PRKCE: variants seen among roughly 807,000 people sequenced by gnomAD.
The protein encoded by PRKCE is protein kinase C epsilon.
In PRKCE, 16 loss-of-function variants were observed where a neutral mutation model predicts 85.4. That is an observed-to-expected ratio of 0.19 (90% CI 0.13 to 0.28). PRKCE has a LOEUF of 0.28. Ranked by LOEUF, PRKCE falls within the 10% of genes least tolerant of loss-of-function variation. The probability of loss-of-function intolerance (pLI) is 1.00; values close to 1 mark genes in which losing one functional copy is unlikely to be tolerated. For synonymous variants in PRKCE, 388 were observed against 371.5 expected (o/e 1.04, Z -0.51); for missense variants, 573 against 975.2 (o/e 0.59, Z 5.49).
At chr2:46,066,738 C>T (rs183583305) in intron 10 of PRKCE, among the ~76,000 whole-genome samples, 75 of 152,162 alleles carry the variant, frequency 4.9e-4, no homozygotes, top group Non-Finnish European at 7.2e-4. Flanking sequence ...GAACTATGTC[C>T]TGGGCTTCAC....
chr2:45,663,904 C>T (rs1312440043), intron 1 of PRKCE, among the ~76,000 whole-genome samples: 1 of 151,910 alleles, frequency 6.6e-6, no homozygotes, highest in Admixed American at 6.5e-5. Context: ...ATTAAAAAAA[C>T]AAAAACCAAA....
chr2:45,814,357 T>C (rs7562746), intron 1 of PRKCE, among the ~76,000 whole-genome samples: 107,430 of 152,044 alleles, frequency 0.71, 38,125 homozygotes, highest in Middle Eastern at 0.74. Context: ...CAGCCAAGGG[T>C]CGTCGGGGGC....
At chr2:45,891,752 C>G (rs1013016621) in intron 2 of PRKCE, among the ~76,000 whole-genome samples, 1 of 152,234 alleles carries the variant, frequency 6.6e-6, no homozygotes, top group African/African-American at 2.4e-5. Flanking sequence ...GCTGCTTCCT[C>G]TCCCTTCTTC....
rs1389191614 is a variant in PRKCE, at chr2:45,905,289, A to G, written c.412+62226A>G. Among the ~76,000 whole-genome samples the G allele has an allele frequency of 7.2e-5, 11 of 152,212 alleles. No individual in the cohort carries two copies. In the East Asian group the frequency reaches 1.5e-3, roughly 21 times the overall value. On this transcript the variant is annotated intron_variant, in intron 2 of 14. Coordinates refer to ENST00000306156, the MANE Select transcript of PRKCE (RefSeq NM_005400.3). This position sits in a 1 kb window ranked among gnomAD's most constrained non-coding sequence, Gnocchi z 4.4. Reference sequence around the variant, plus strand: ...TTTTGGAATCTGGTAGTGGGAAAACAGGGAAGCTCCAAAAAAAAAGTAACT... The same window carrying G: ...TTTTGGAATCTGGTAGTGGGAAAACGGGGAAGCTCCAAAAAAAAAGTAACT...
At chr2:46,170,044 C>T (rs918455043) in intron 14 of PRKCE, among the ~76,000 whole-genome samples, 1 of 152,198 alleles carries the variant, frequency 6.6e-6, no homozygotes, top group African/African-American at 2.4e-5. Flanking sequence ...CAGGGATTTG[C>T]AGGGTTTTTT....
intron 11 of PRKCE, among the ~76,000 whole-genome samples, chr2:46,127,714 C>A (rs959733013): frequency 6.6e-6 from 1 of 152,194 alleles, no homozygotes; most frequent in Non-Finnish European, 1.5e-5. Context: ...AAGGGGTAGA[C>A]TGTCCTGGAA....
At chr2:45,867,015 C>G (rs1323323460) in intron 2 of PRKCE, among the ~76,000 whole-genome samples, 1 of 152,194 alleles carries the variant, frequency 6.6e-6, no homozygotes, top group African/African-American at 2.4e-5. Context: ...TCCAGACCAG[C>G]TAAATCAGAA....
rs1039019150 is a variant in PRKCE at position 46,102,149 on chromosome 2, A to G, written c.1592+15787A>G. 5.3e-5 allele frequency among the ~76,000 whole-genome samples: 8 copies of G among 152,260 alleles called. No individual in the cohort carries two copies. In the East Asian group the frequency reaches 1.5e-3, roughly 29 times the overall value. On this transcript the variant is annotated intron_variant, in intron 11 of 14. Coordinates refer to ENST00000306156, the MANE Select transcript of PRKCE (RefSeq NM_005400.3). Reference sequence around the variant, plus strand: ...TAGTACTTATACCATGGAAATCAGCAAGGGTTTTCCTCATTGTAAAGCCAT... The same window carrying G: ...TAGTACTTATACCATGGAAATCAGCGAGGGTTTTCCTCATTGTAAAGCCAT...
chr2:45,966,253 A>G (rs1701720612), intron 2 of PRKCE, among the ~76,000 whole-genome samples: 1 of 152,234 alleles, frequency 6.6e-6, no homozygotes, highest in African/African-American at 2.4e-5. Context: ...TTGATACTTC[A>G]TAGATGTGTA....
chr2:45,961,769 C>T (rs1260580206), intron 2 of PRKCE, among the ~76,000 whole-genome samples: 1 of 151,998 alleles, frequency 6.6e-6, no homozygotes, highest in Non-Finnish European at 1.5e-5. Flanking sequence ...GATCTTGGCT[C>T]ACTGCAACCT....
intron 1 of PRKCE, among the ~76,000 whole-genome samples, chr2:45,837,726 CA>C (rs1691002987): frequency 6.6e-6 from 1 of 152,178 alleles, no homozygotes; most frequent in South Asian, 2.1e-4. Context: ...TTCTCAACAG[CA>C]CTAATAATAC....
chr2:46,071,587 A>G (rs756580344), intron 10 of PRKCE, among the ~76,000 whole-genome samples: 7 of 152,210 alleles, frequency 4.6e-5, no homozygotes, highest in Non-Finnish European at 1.0e-4. Context: ...AATGAGAATG[A>G]AGGATGAGGA....
At chr2:45,966,234 T>C (rs1381125831) in intron 2 of PRKCE, among the ~76,000 whole-genome samples, 2 of 152,238 alleles carry the variant, frequency 1.3e-5, no homozygotes, top group African/African-American at 4.8e-5. Flanking sequence ...ATTGCATGAA[T>C]ATGTAATGTT....
chr2:46,051,608 A>G (rs1708863840), intron 10 of PRKCE, among the ~76,000 whole-genome samples: 1 of 152,138 alleles, frequency 6.6e-6, no homozygotes, highest in Non-Finnish European at 1.5e-5. Context: ...TCAGTTGTTC[A>G]TGGGCCATTT....
At chr2:46,067,710 C>T (rs6730511) in intron 10 of PRKCE, among the ~76,000 whole-genome samples, 1 of 152,094 alleles carries the variant, frequency 6.6e-6, no homozygotes, top group South Asian at 2.1e-4. Flanking sequence ...ATGAAATTAA[C>T]GCATAAAACT....
chr2:45,885,001 A>ATTTTTTTTTTTTT lies in PRKCE; in HGVS notation c.412+41941_412+41942insTTTTTTTTTTTTT, dbSNP rs55883420. Reference sequence around the variant, plus strand: ...TATATATATATATATATATATATATATTTGTTGTTGTTGTTGTTGTTTTAC... The same window carrying ATTTTTTTTTTTTT: ...TATATATATATATATATATATATATATTTTTTTTTTTTTTTTGTTGTTGTTGTTGTTGTTTTAC... On this transcript the variant is annotated intron_variant, in intron 2 of 14. Transcript: ENST00000306156. Among the ~76,000 whole-genome samples, 76 of 71,524 alleles carry ATTTTTTTTTTTTT rather than the reference A, an allele frequency of 1.1e-3. 5 individuals are homozygous for ATTTTTTTTTTTTT. The highest frequency in any genetic ancestry group is 5.1e-3 in the East Asian group (10 of 1,980). The allele number at this position is 71,524 out of a possible 152,430, so 46.9% of individuals were successfully genotyped here. A position where few individuals can be genotyped will look rare whatever the true frequency, so the allele number is the denominator to read the frequency against.
chr2:45,822,356 G>A (rs749091427), intron 1 of PRKCE, among the ~76,000 whole-genome samples: 20 of 152,232 alleles, frequency 1.3e-4, no homozygotes, highest in Non-Finnish European at 2.2e-4. Context: ...GGGCTCTTGG[G>A]AGAAATGAGA....
intron 2 of PRKCE, among the ~76,000 whole-genome samples, chr2:45,949,725 C>G (rs1418286271): frequency 6.6e-6 from 1 of 151,972 alleles, no homozygotes; most frequent in African/African-American, 2.4e-5. Flanking sequence ...GTTTGACAAC[C>G]ATGGACCTAG....
chr2:45,705,867 T>C (rs989076018), intron 1 of PRKCE, among the ~76,000 whole-genome samples: 5 of 152,214 alleles, frequency 3.3e-5, no homozygotes, highest in African/African-American at 9.6e-5. Flanking sequence ...GTTTGTCCAG[T>C]GCAGTGGCTG....
Sources: allele counts gnomAD v4.1 joint callset (sites outside exome capture counted in the v4.1 genomes callset), GRCh38; gene constraint gnomAD v4.1.1; non-coding constraint Gnocchi (gnomAD v3.1); transcripts MANE v1.5; gene names NCBI Gene and HGNC (gene_info 2026-07-23, HGNC 2026-07-21).